SPTBN4: variants seen among roughly 807,000 people sequenced by gnomAD.
SPTBN4 encodes spectrin beta, non-erythrocytic 4, also known as spectrin beta chain, non-erythrocytic 4.
In SPTBN4, 96 loss-of-function variants were observed where a neutral mutation model predicts 277.8. The observed-to-expected ratio is 0.35, with a 90% confidence interval of 0.29 to 0.41. The LOEUF (loss-of-function observed/expected upper bound fraction) is 0.41. Among genes scored for constraint, SPTBN4 ranks in the 10% least tolerant of loss-of-function variants. SPTBN4 has a pLI of 1.00. For missense variants in SPTBN4, 3,006 were observed against 3,595.7 expected, an observed-to-expected ratio of 0.84 and a Z score of 4.19; for synonymous variants, 1,481 against 1,580.3, an observed-to-expected ratio of 0.94 and a Z score of 1.49.
chr19:40,544,385 G>T (rs923060838), intron 20 of SPTBN4, among the ~76,000 whole-genome samples: 2 of 141,622 alleles, frequency 1.4e-5, no homozygotes, highest in Admixed American at 1.4e-4. Flanking sequence ...CTCGTGATCC[G>T]CCCGCCTCAG....
rs1042930237 is a variant in SPTBN4, at chr19:40,549,175, C to T, written c.4360-14C>T. 2.0e-6 allele frequency: 3 copies of T among 1,534,530 alleles called. No homozygotes were observed. The highest frequency in any genetic ancestry group is 2.5e-5 in the East Asian group (1 of 40,328). ...GGCGGGTGGGGCCCATTGACCCTGCCTCTGTCCCCACAGTCCATGGAGTCG... is the reference window on the plus strand; with the variant it reads ...GGCGGGTGGGGCCCATTGACCCTGCTTCTGTCCCCACAGTCCATGGAGTCG... On this transcript the variant is annotated splice_polypyrimidine_tract_variant and intron_variant, in intron 20 of 35. Transcript: ENST00000598249.
chr19:40,513,478 A>G lies in SPTBN4; in HGVS notation c.2689A>G (p.Ile897Val), dbSNP rs745378958. Reference sequence around the variant, plus strand: ...CGAGGTGCACGCGTGTGAGCTGTGGATCGGCGAGAAGGAGCAATGGCTGCT... The same window carrying G: ...CGAGGTGCACGCGTGTGAGCTGTGGGTCGGCGAGAAGGAGCAATGGCTGCT... ...FGEVHACELW[I>V]GEKEQWLLSM... is the part of the protein sequence containing the mutation. The change falls in exon 14 of 36, where the codon ATC (isoleucine) becomes GTC (valine). Residue 897 changes from isoleucine (I) to valine (V), a missense_variant. Ile to Val is a conservative substitution (Grantham distance 29). Around this residue, in one of 5 missense-constraint regions of SPTBN4, gnomAD observed 1,759 missense variants for 2,061.5 expected, o/e 0.85. Coordinates refer to ENST00000598249, the MANE Select transcript of SPTBN4 (RefSeq NM_020971.3). The G allele has an allele frequency of 3.6e-5, 58 of 1,601,740 alleles. No individual in the cohort carries two copies. The Admixed American group carries it at 7.0e-4, about 19-fold the overall frequency.
rs369427883 is a variant in SPTBN4, at chr19:40,574,657, C to T, written c.7537-754C>T. Among the ~76,000 whole-genome samples the T allele has an allele frequency of 6.7e-4, 102 of 152,262 alleles. 1 individual carries two copies. Among genetic ancestry groups the T allele is most frequent in the African/African-American group, 2.2e-3 (93 of 41,568 alleles). On this transcript the variant is annotated intron_variant, in intron 35 of 35. Transcript: ENST00000598249. ...GATTACAGGCATGAGCCACCACACC[C>T]GGCCAGAAGTAGGCCTTTACCCACT...
intron 17 of SPTBN4, among the ~76,000 whole-genome samples, chr19:40,525,252 C>T (rs527417206): frequency 9.7e-4 from 147 of 151,682 alleles, no homozygotes; most frequent in Non-Finnish European, 1.8e-3. Flanking sequence ...GAATTCTGTT[C>T]TTGAGGATGC....
Position 40,552,911 on chromosome 19 carries a change from A to G in SPTBN4, c.4675-1236A>G, listed in dbSNP as rs528112929. On this transcript the variant is annotated intron_variant, in intron 22 of 35. Coordinates refer to ENST00000598249, the MANE Select transcript of SPTBN4 (RefSeq NM_020971.3). ...GCTGTTAAGCCAAAAATAGCTGCAA[A>G]TATGATGCATTTGGTGCATGCAGAC... Among the ~76,000 whole-genome samples, 9 of 152,268 alleles carry G rather than the reference A, an allele frequency of 5.9e-5. No individual in the cohort carries two copies. In the South Asian group the frequency reaches 1.9e-3, roughly 32 times the overall value.
chr19:40,524,852 G>A (rs958950911), intron 17 of SPTBN4, among the ~76,000 whole-genome samples: 2 of 152,198 alleles, frequency 1.3e-5, no homozygotes, highest in Admixed American at 6.5e-5. Context: ...CTAATCAAGC[G>A]AAGATATTTA....
Position 40,472,779 on chromosome 19 carries a change from A to C in SPTBN4, c.158A>C (p.Lys53Thr). The C allele has an allele frequency of 7.3e-7, 1 of 1,377,028 alleles. No individual in the cohort carries two copies. The highest frequency in any genetic ancestry group is 9.7e-7 in the Non-Finnish European group (1 of 1,033,288). 85.3% of individuals were successfully genotyped at this position (1,377,028 alleles called of 1,614,324 possible). ...AASLFECSRI[K>T]ALADEREAVQ... Reference sequence around the variant, plus strand: ...TCGCTCTTTGAGTGCTCCCGGATCAAGGCCTTGGCAGGTACCTGGAGGAGG... The same window carrying C: ...TCGCTCTTTGAGTGCTCCCGGATCACGGCCTTGGCAGGTACCTGGAGGAGG... Residue 53 changes from lysine to threonine, a missense_variant, in exon 2 of 36, where the codon AAG becomes ACG. Around this residue, in one of 5 missense-constraint regions of SPTBN4, gnomAD observed 114 missense variants for 196.1 expected, o/e 0.58. Transcript: ENST00000598249.
chr19:40,469,596 G>A (rs1000275042), intron 1 of SPTBN4, among the ~76,000 whole-genome samples: 31 of 151,914 alleles, frequency 2.0e-4, no homozygotes, highest in African/African-American at 7.5e-4. Flanking sequence ...GGGCCCAGAA[G>A]GTAAAGGAGA....
intron 3 of SPTBN4, among the ~76,000 whole-genome samples, chr19:40,488,634 G>GTTTGTTTGTTTGTTTA (rs1382334244): frequency 6.6e-6 from 1 of 151,948 alleles, no homozygotes; most frequent in Non-Finnish European, 1.5e-5. Flanking sequence ...TCTACGGTTT[G>GTTTGTTTGTTTGTTTA]TTTGTTTGTT....
chr19:40,561,862 C>T (rs1035510278), intron 27 of SPTBN4, among the ~76,000 whole-genome samples: 5 of 151,338 alleles, frequency 3.3e-5, no homozygotes, highest in African/African-American at 1.2e-4. Context: ...TGAAATATAG[C>T]GTGGGTATAT....
rs756585117 is a variant in SPTBN4 at position 40,506,335 on chromosome 19, G to A, written c.1765G>A (p.Glu589Lys). The change falls in exon 13 of 36, where the codon GAG (glutamate) becomes AAG (lysine). Residue 589 changes from glutamate to lysine, a missense_variant. Transcript: ENST00000598249. ...GGAGGGAGACATTGCCGCCCAGAGC[G>A]AGCGGGTGGAGGCTCTCAATGCCGC... is the stretch of plus-strand genomic sequence containing the variant. ...LLEGDIAAQS[E>K]RVEALNAAAL... The A allele has an allele frequency of 5.6e-5, 90 of 1,613,974 alleles. No homozygotes were observed. The highest frequency in any genetic ancestry group is 1.6e-4 in the Middle Eastern group (1 of 6,082).
Position 40,515,306 on chromosome 19 carries a change from T to C in SPTBN4, c.2766-5T>C, listed in dbSNP as rs1226752720. 6.2e-7 allele frequency: 1 copy of C among 1,612,578 alleles called. No individual in the cohort carries two copies. The highest frequency in any genetic ancestry group is 2.2e-5 in the East Asian group (1 of 44,856). ...GGGTGTCTGAGCATCTCCATCCTCC[T>C]GCAGATTCGAGAGCCTGGACCAAGA... On this transcript the variant is annotated splice_region_variant and splice_polypyrimidine_tract_variant and intron_variant, in intron 14 of 35. Transcript: ENST00000598249. This position sits in a 1 kb window ranked among gnomAD's most constrained non-coding sequence, Gnocchi z 4.1.
intron 3 of SPTBN4, among the ~76,000 whole-genome samples, chr19:40,488,958 G>C (rs981356655): frequency 1.3e-5 from 2 of 151,860 alleles, no homozygotes; most frequent in African/African-American, 4.8e-5. Context: ...CCACTGCACC[G>C]GGCAGAGACC....
intron 3 of SPTBN4, 80 bp from the exon 4 acceptor site, chr19:40,489,995 T>G (rs2080118695): frequency 1.4e-6 from 2 of 1,430,284 alleles, no homozygotes; most frequent in East Asian, 5.1e-5. Context: ...GAGGCGGGCT[T>G]CTTTGGAAGC....
rs1223723058 is a variant in SPTBN4, at chr19:40,556,295, A to G, written c.5289+7A>G. On this transcript the variant is annotated splice_region_variant and intron_variant, in intron 25 of 35. Coordinates refer to ENST00000598249, the MANE Select transcript of SPTBN4 (RefSeq NM_020971.3). The stretch of plus-strand genomic sequence containing the variant: ...GGACTTTGAGCATGTCTCGGTGAGC[A>G]TCATTAGTAATAAGTGATACCAGGA... 7 of 1,608,546 alleles carry G rather than the reference A, an allele frequency of 4.4e-6. No homozygotes were observed. Among genetic ancestry groups the G allele is most frequent in the Admixed American group, 1.7e-5 (1 of 59,674 alleles).
chr19:40,557,756 A>G (rs2145937239), intron 26 of SPTBN4, among the ~76,000 whole-genome samples: 1 of 152,076 alleles, frequency 6.6e-6, no homozygotes, highest in East Asian at 1.9e-4. Context: ...CATCTCTACT[A>G]AAAATACGAA....
chr19:40,501,597 G>A (rs2080263747), intron 7 of SPTBN4, among the ~76,000 whole-genome samples: 4 of 152,096 alleles, frequency 2.6e-5, no homozygotes, highest in Non-Finnish European at 5.9e-5. Flanking sequence ...GAACCTGGGA[G>A]GTAGAGGTTG....
intron 20 of SPTBN4, chr19:40,534,713 C>T: frequency 4.3e-6 from 1 of 234,514 alleles, no homozygotes; most frequent in Non-Finnish European, 8.7e-6. Context: ...GAGCATTTCT[C>T]TACCAGTCTC....
Position 40,492,990 on chromosome 19 carries a change from G to A in SPTBN4, c.523G>A (p.Asp175Asn). The A allele has an allele frequency of 6.2e-7, 1 of 1,614,032 alleles. No individual in the cohort carries two copies. Among genetic ancestry groups the A allele is most frequent in the Non-Finnish European group, 8.5e-7 (1 of 1,179,970 alleles). The change falls in exon 5 of 36, where the codon GAC becomes AAC. Residue 175 changes from aspartate (D) to asparagine (N), a missense_variant. Transcript: ENST00000598249. ...QIQVIKIETE[D>N]NRETRSAKDA... ...TCAAGTCATCAAAATTGAGACTGAGGACAACAGAGAGACACGCTCAGCCAA... is the reference window on the plus strand; with the variant it reads ...TCAAGTCATCAAAATTGAGACTGAGAACAACAGAGAGACACGCTCAGCCAA...
Sources: allele counts gnomAD v4.1 joint callset (sites outside exome capture counted in the v4.1 genomes callset), GRCh38; gene constraint gnomAD v4.1.1; regional missense constraint gnomAD v4.1.1; non-coding constraint Gnocchi (gnomAD v3.1); transcripts MANE v1.5; gene names NCBI Gene and HGNC (gene_info 2026-07-23, HGNC 2026-07-21).